WIPI2: variants seen among roughly 807,000 people sequenced by gnomAD.
WIPI2 encodes the protein WD repeat domain, phosphoinositide interacting 2.
In WIPI2, 28 loss-of-function variants were observed where a neutral mutation model predicts 52.3. The observed-to-expected ratio is 0.54, with a 90% CI of 0.40 to 0.73. WIPI2 has a LOEUF of 0.73. Ranked by LOEUF, WIPI2 falls within the 30% of genes least tolerant of loss-of-function variation. The pLI is 0.00. For synonymous variants in WIPI2, 268 were observed against 245.0 expected, an observed-to-expected ratio of 1.09 and a Z score of -0.88; for missense variants, 506 against 602.9, an observed-to-expected ratio of 0.84 and a Z score of 1.68.
At chr7:5,225,562 T>C (rs894759290) in intron 8 of WIPI2, among the ~76,000 whole-genome samples, 2 of 152,248 alleles carry the variant, frequency 1.3e-5, no homozygotes, top group African/African-American at 2.4e-5. Flanking sequence ...TCCATCCTAC[T>C]TCAGCTAAAA....
chr7:5,195,617 A>G lies in WIPI2; in HGVS notation c.128+2446A>G, dbSNP rs373804286. The stretch of plus-strand genomic sequence containing the variant: ...CTGTTGCTCTGCCTTTCCCATTAGT[A>G]TGTCTGCCATTTTATGGTCAGGTCA... On this transcript the variant is annotated intron_variant, in intron 2 of 12. Coordinates refer to ENST00000288828, the MANE Select transcript of WIPI2 (RefSeq NM_015610.4). 2.0e-3 allele frequency among the ~76,000 whole-genome samples: 299 copies of G among 152,364 alleles called. 3 individuals are homozygous for G. Among genetic ancestry groups the G allele is most frequent in the African/African-American group, 6.6e-3 (274 of 41,590 alleles).
At position 5,232,399 on chromosome 7, in the gene WIPI2, G is replaced by A. The variant is rs1269403660; in HGVS notation, c.*1452G>A. On this transcript the variant is annotated 3_prime_UTR_variant, in exon 13 of 13. Transcript: ENST00000288828. The stretch of plus-strand genomic sequence containing the variant: ...GGCAAACTAAATGCAGGGGACGCTG[G>A]AGTCCGACTCACCTACACCGGCTTC... 3 of 398,186 alleles carry A rather than the reference G, an allele frequency of 7.5e-6. No individual in the cohort carries two copies. Among genetic ancestry groups the A allele is most frequent in the Non-Finnish European group, 4.4e-6 (1 of 226,084 alleles). 24.7% of individuals were successfully genotyped at this position (398,186 alleles called of 1,614,324 possible).
At chr7:5,204,120 A>C (rs1454963222) in intron 3 of WIPI2, among the ~76,000 whole-genome samples, 2 of 152,166 alleles carry the variant, frequency 1.3e-5, no homozygotes, top group Non-Finnish European at 2.9e-5. Context: ...ACTTCAGTTT[A>C]CTGGAAAGTG....
chr7:5,233,362 T>TA lies in WIPI2; in HGVS notation c.*2416dup. The TA allele has an allele frequency of 6.6e-6, 1 of 152,394 alleles. No individual in the cohort carries two copies. The highest frequency in any genetic ancestry group is 3.4e-3 in the Middle Eastern group (1 of 294). 9.4% of individuals were successfully genotyped at this position (152,394 alleles called of 1,614,324 possible). A position where few individuals can be genotyped will look rare whatever the true frequency, so the allele number is the denominator to read the frequency against. On this transcript the variant is annotated 3_prime_UTR_variant, in exon 13 of 13. Coordinates refer to ENST00000288828, the MANE Select transcript of WIPI2 (RefSeq NM_015610.4). ...CCGCTGAGTTGCCCGTTAGAACTCT[T>TA]ACTGCTGCGCCAGTGACCCAGGTGG... is the stretch of plus-strand genomic sequence containing the variant.
At position 5,225,886 on chromosome 7, in the gene WIPI2, C is replaced by T. The variant is rs775301015; in HGVS notation, c.804C>T (p.Asn268=). The T allele has an allele frequency of 1.9e-6, 3 of 1,613,984 alleles. No individual in the cohort carries two copies. Among genetic ancestry groups the T allele is most frequent in the Non-Finnish European group, 2.5e-6 (3 of 1,180,004 alleles). The change falls in exon 9 of 13, where the codon AAC becomes AAT. Residue 268 remains asparagine (N), a synonymous_variant. Coordinates refer to ENST00000288828, the MANE Select transcript of WIPI2 (RefSeq NM_015610.4). ...GCATGTTCCTCTCCGCCTCCAGCAA[C>T]ACTGAGACCGTGCACATCTTCAAAC... ...MDGMFLSASS[N]TETVHIFKLE...
chr7:5,225,934 A>G lies in WIPI2; in HGVS notation c.848+4A>G, dbSNP rs377674353. 3 of 1,611,124 alleles carry G rather than the reference A, an allele frequency of 1.9e-6. No individual in the cohort carries two copies. Among genetic ancestry groups the G allele is most frequent in the Non-Finnish European group, 2.5e-6 (3 of 1,178,212 alleles). ...AACTCGAGACTGTGAAAGAAAAGTG[A>G]GTTGCAAATATACGTTTCTTTAAAA... is the stretch of plus-strand genomic sequence containing the variant. On this transcript the variant is annotated splice_donor_region_variant and intron_variant, in intron 9 of 12. Coordinates refer to ENST00000288828, the MANE Select transcript of WIPI2 (RefSeq NM_015610.4).
intron 7 of WIPI2, among the ~76,000 whole-genome samples, chr7:5,219,657 G>T (rs1009141615): frequency 6.6e-6 from 1 of 152,050 alleles, no homozygotes; most frequent in African/African-American, 2.4e-5. Context: ...AGTATTGCAC[G>T]GTAGACGTGC....
Position 5,214,737 on chromosome 7 carries a change from CTG to C in WIPI2, c.381+35_381+36del, listed in dbSNP as rs772711845. The C allele has an allele frequency of 3.1e-6, 5 of 1,609,654 alleles. No individual in the cohort carries two copies. In the African/African-American group the frequency reaches 6.7e-5, roughly 21 times the overall value. On this transcript the variant is annotated intron_variant, in intron 4 of 12. Transcript: ENST00000288828. Reference sequence around the variant, plus strand: ...CTGCCCCAGCTGGGTGTGGGCTTGTCTGTTGCTCCCTCCAGCACTCTGGGACA... The same window carrying C: ...CTGCCCCAGCTGGGTGTGGGCTTGTCTTGCTCCCTCCAGCACTCTGGGACA...
intron 7 of WIPI2, 142 bp from the exon 8 acceptor site, chr7:5,222,460 T>C: frequency 1.2e-6 from 1 of 817,598 alleles, no homozygotes; most frequent in Non-Finnish European, 2.1e-6. Flanking sequence ...AGGGGGGCCC[T>C]GGGGGACCCC....
At chr7:5,196,898 G>A (rs1290664053) in intron 2 of WIPI2, among the ~76,000 whole-genome samples, 1 of 151,758 alleles carries the variant, frequency 6.6e-6, no homozygotes, top group Non-Finnish European at 1.5e-5. Context: ...GATCACCTAA[G>A]GTCAGGAGTT....
chr7:5,197,312 G>C (rs1032572601), intron 2 of WIPI2, among the ~76,000 whole-genome samples: 14 of 152,030 alleles, frequency 9.2e-5, no homozygotes, highest in Non-Finnish European at 1.3e-4. Context: ...GGGGAGTCCT[G>C]CTTAAAATAG....
chr7:5,198,819 A>G (rs1366255101), intron 2 of WIPI2, among the ~76,000 whole-genome samples: 5 of 152,112 alleles, frequency 3.3e-5, no homozygotes, highest in Non-Finnish European at 5.9e-5. Context: ...GTATCTGTTG[A>G]AGGTATACAG....
At chr7:5,203,910 A>C (rs1583552519) in intron 3 of WIPI2, among the ~76,000 whole-genome samples, 2 of 152,140 alleles carry the variant, frequency 1.3e-5, no homozygotes, top group African/African-American at 2.4e-5. Flanking sequence ...GGCGTGAGCC[A>C]CCACACCCTG....
chr7:5,222,547 G>T, intron 7 of WIPI2, 55 bp from the exon 8 acceptor site: 1 of 1,561,458 alleles, frequency 6.4e-7, no homozygotes, highest in South Asian at 1.1e-5. Flanking sequence ...GTGAAAGATG[G>T]GAAATTCCTG....
intron 3 of WIPI2, among the ~76,000 whole-genome samples, chr7:5,205,652 G>A (rs1446515276): frequency 6.6e-6 from 1 of 152,102 alleles, no homozygotes; most frequent in East Asian, 1.9e-4. Context: ...CTACAGGTAT[G>A]TGTCACCACG....
intron 7 of WIPI2, 198 bp downstream of exon 7, chr7:5,218,212 G>A: frequency 1.8e-6 from 1 of 554,512 alleles, no homozygotes; most frequent in Non-Finnish European, 3.3e-6. Flanking sequence ...ACTGGGACGG[G>A]AGAGCTGGTC....
intron 1 of WIPI2, 107 bp downstream of exon 1, chr7:5,190,600 C>A (rs1336693303): frequency 1.7e-6 from 2 of 1,175,002 alleles, no homozygotes; most frequent in South Asian, 2.5e-5. Context: ...TCGGCCTCCC[C>A]GCGGGCCAAG....
chr7:5,214,536 C>T lies in WIPI2; in HGVS notation c.213C>T (p.Thr71=), dbSNP rs776438679. 14 of 1,614,078 alleles carry T rather than the reference C, an allele frequency of 8.7e-6. No homozygotes were observed. The highest frequency in any genetic ancestry group is 2.2e-5 in the South Asian group (2 of 91,096). Residue 71 remains threonine (T), a splice_region_variant and synonymous_variant, in exon 4 of 13, where the codon ACC becomes ACT. Coordinates refer to ENST00000288828, the MANE Select transcript of WIPI2 (RefSeq NM_015610.4). The part of the protein sequence containing the change: ...VDKLEQIYEC[T]DTEDVCIVER... Reference sequence around the variant, plus strand: ...ATGTACTTCCCTTTGTGATTTCAGCCGATACGGAAGATGTGTGCATTGTAG... The same window carrying T: ...ATGTACTTCCCTTTGTGATTTCAGCTGATACGGAAGATGTGTGCATTGTAG...
chr7:5,223,960 G>A (rs1260694738), intron 8 of WIPI2, among the ~76,000 whole-genome samples: 1 of 152,210 alleles, frequency 6.6e-6, no homozygotes, highest in Non-Finnish European at 1.5e-5. Context: ...TGTTGCCCTG[G>A]ATTCCTGTCA....
Sources: gnomAD v4.1 joint callset for allele counts (sites outside exome capture counted in the v4.1 genomes callset) on GRCh38, gnomAD v4.1.1 for gene constraint, MANE v1.5 for transcripts, NCBI Gene and HGNC (gene_info 2026-07-23, HGNC 2026-07-21) for gene names.